The following ABCA10 variants were observed in gnomAD, a reference collection of about 807,000 sequenced individuals.
The protein encoded by ABCA10 is ATP-binding cassette sub-family A member 10.
Under a neutral mutation model 187.5 loss-of-function variants are expected in ABCA10, and 169 were observed. The observed-to-expected ratio is 0.90, with a 90% CI of 0.80 to 1.02. The LOEUF (loss-of-function observed/expected upper bound fraction) is 1.02, where lower values mean the gene tolerates loss of function less well. ABCA10 is among the 50% of genes least tolerant of loss of function. The pLI is 0.00. For synonymous variants in ABCA10, 574 were observed against 601.8 expected (o/e 0.95, Z 0.68); for missense variants, 1,727 against 1,812.4 (o/e 0.95, Z 0.86).
chr17:69,187,724 G>A lies in ABCA10; in HGVS notation c.2287C>T (p.Arg763Cys), dbSNP rs200565917. 24 of 1,613,614 alleles carry A rather than the reference G, an allele frequency of 1.5e-5. No individual in the cohort carries two copies. Among genetic ancestry groups the A allele is most frequent in the African/African-American group, 1.1e-4 (8 of 74,852 alleles). ...CTTTCACGCCTTAACTTTAAGAAGC[G>A]AAGTGTTGCCACTGCATAGATTTGT... is the stretch of plus-strand genomic sequence containing the variant. ...RRQIYAVATL[R>C]FLKLRRERRA... The change falls in exon 19 of 39, where the codon CGC (arginine) becomes TGC (cysteine). Residue 763 changes from arginine to cysteine, a missense_variant. Arg to Cys is a radical substitution (Grantham distance 180). Transcript: ENST00000690296.
At chr17:69,151,750 A>G (rs1321982026) in intron 36 of ABCA10, among the ~76,000 whole-genome samples, 1 of 152,234 alleles carries the variant, frequency 6.6e-6, no homozygotes. Flanking sequence ...AATCATTAAA[A>G]AGTTGATAGT....
chr17:69,216,087 A>T, intron 7 of ABCA10, 87 bp from the exon 8 acceptor site: 2 of 1,554,814 alleles, frequency 1.3e-6, no homozygotes, highest in Non-Finnish European at 1.7e-6. Context: ...ATTGTCAAAA[A>T]TTTTCTCAAA....
chr17:69,174,858 A>T, intron 23 of ABCA10, 81 bp from the exon 24 acceptor site: 1 of 1,268,086 alleles, frequency 7.9e-7, no homozygotes, highest in Non-Finnish European at 1.1e-6. Context: ...TTGTTTAATA[A>T]ATTTTAGAAA....
intron 10 of ABCA10, among the ~76,000 whole-genome samples, chr17:69,199,908 T>C (rs2074531855): frequency 6.6e-6 from 1 of 152,230 alleles, no homozygotes; most frequent in African/African-American, 2.4e-5. Context: ...AAACTATAGC[T>C]ACAGAATAGC....
intron 30 of ABCA10, among the ~76,000 whole-genome samples, chr17:69,154,592 T>C (rs2074159479): frequency 2.0e-5 from 3 of 152,052 alleles, no homozygotes; most frequent in South Asian, 4.1e-4. Flanking sequence ...ACCCAGCTAA[T>C]TTTTAAATTT....
At position 69,191,281 on chromosome 17, in the gene ABCA10, T is replaced by A. The variant is rs751969405; in HGVS notation, c.1906A>T (p.Ile636Phe). 5.0e-6 allele frequency: 8 copies of A among 1,601,420 alleles called. No individual in the cohort carries two copies. In the South Asian group the frequency reaches 9.0e-5, roughly 18 times the overall value. ...HRNEMCDTEK[I>F]TSLIKQHIPD... ...ATGTGCTGCTTAATAAGGGATGTGA[T>A]TTTTTCTGTGTCACACATTTCATTC... The change falls in exon 17 of 39, where the codon ATC (isoleucine) becomes TTC (phenylalanine). Residue 636 changes from isoleucine (I) to phenylalanine (F), a missense_variant. By Grantham distance (21) the Ile-to-Phe change is conservative. Coordinates refer to ENST00000690296, the MANE Select transcript of ABCA10 (RefSeq NM_001377321.1).
chr17:69,164,215 T>G, intron 26 of ABCA10, 61 bp from the exon 27 acceptor site: 2 of 1,337,678 alleles, frequency 1.5e-6, no homozygotes, highest in Non-Finnish European at 2.1e-6. Context: ...AATTTACACA[T>G]TAAATACACC....
intron 9 of ABCA10, among the ~76,000 whole-genome samples, chr17:69,210,180 T>C (rs1463248855): frequency 3.2e-5 from 3 of 93,342 alleles, no homozygotes; most frequent in Non-Finnish European, 5.9e-5. Context: ...CTTTTTTTTT[T>C]TTTTTTTTTT....
At chr17:69,149,200 C>A (rs944728069) in intron 37 of ABCA10, 112 bp from the exon 38 acceptor site, 32 of 1,115,886 alleles carry the variant, frequency 2.9e-5, no homozygotes, top group African/African-American at 1.1e-4. Flanking sequence ...AAGATATAGG[C>A]CAAATAATTA....
At chr17:69,184,871 G>GTGTA (rs375695391) in intron 20 of ABCA10, among the ~76,000 whole-genome samples, 102 of 148,142 alleles carry the variant, frequency 6.9e-4, no homozygotes, top group East Asian at 3.8e-3. Context: ...GTGTGTGTGT[G>GTGTA]TATATATATA....
At chr17:69,234,074 G>T (rs940504899) in intron 1 of ABCA10, 11 of 152,922 alleles carry the variant, frequency 7.2e-5, no homozygotes, top group African/African-American at 2.7e-4. Context: ...CAGCTGGCAA[G>T]CCTATCTTAT....
At chr17:69,212,966 G>A (rs753008227) in intron 9 of ABCA10, among the ~76,000 whole-genome samples, 6 of 152,228 alleles carry the variant, frequency 3.9e-5, no homozygotes, top group Non-Finnish European at 7.3e-5. Flanking sequence ...GTATTGAGAT[G>A]TGAGGTACTA....
chr17:69,239,196 G>C (rs993126409), intron 1 of ABCA10, among the ~76,000 whole-genome samples: 1 of 152,090 alleles, frequency 6.6e-6, no homozygotes, highest in Non-Finnish European at 1.5e-5. Flanking sequence ...AAGTACAAAG[G>C]GTTGGTCAGT....
At chr17:69,184,823 A>T (rs1346070089) in intron 20 of ABCA10, among the ~76,000 whole-genome samples, 1 of 150,328 alleles carries the variant, frequency 6.7e-6, no homozygotes, top group Admixed American at 6.7e-5. Flanking sequence ...CAACAAGTGG[A>T]TTAAAAAAGT....
chr17:69,241,215 A>T (rs2074901608), intron 1 of ABCA10, among the ~76,000 whole-genome samples: 1 of 152,172 alleles, frequency 6.6e-6, no homozygotes, highest in South Asian at 2.1e-4. Flanking sequence ...ACAAAAAACA[A>T]AAAGCCCTTG....
Position 69,193,152 on chromosome 17 carries a change from G to T in ABCA10, c.1738C>A (p.Leu580Ile). Reference protein sequence around the residue: ...LKEHKVDRLILFSTQFMDEAD... With the variant: ...LKEHKVDRLIIFSTQFMDEAD... ...TCATCCATGAATTGGGTACTGAAGA[G>T]GATAAGTCGGTCTACTTTATGCTCC... Residue 580 changes from leucine (L) to isoleucine (I), a missense_variant, in exon 15 of 39, where the codon CTC (leucine) becomes ATC (isoleucine). Physicochemically the swap from Leu to Ile is conservative, Grantham distance 5 (BLOSUM62 2). Coordinates refer to ENST00000690296, the MANE Select transcript of ABCA10 (RefSeq NM_001377321.1). 1.2e-6 allele frequency: 2 copies of T among 1,614,038 alleles called. No individual in the cohort carries two copies. The highest frequency in any genetic ancestry group is 1.7e-6 in the Non-Finnish European group (2 of 1,179,984).
intron 11 of ABCA10, among the ~76,000 whole-genome samples, chr17:69,195,542 A>G (rs1463493114): frequency 2.3e-5 from 3 of 130,726 alleles, no homozygotes; most frequent in Non-Finnish European, 3.2e-5. Flanking sequence ...ATTATCAAAC[A>G]ATGAAGTTTT....
intron 17 of ABCA10, 137 bp from the exon 18 acceptor site, chr17:69,190,614 C>T (rs12602816): frequency 3.9e-6 from 3 of 763,166 alleles, no homozygotes; most frequent in Middle Eastern, 3.9e-4. Context: ...TCCAAGGAAA[C>T]CTTTTCTGTA....
At chr17:69,159,156 T>C (rs1443955240) in intron 27 of ABCA10, among the ~76,000 whole-genome samples, 3 of 152,038 alleles carry the variant, frequency 2.0e-5, no homozygotes, top group Non-Finnish European at 4.4e-5. Flanking sequence ...TTATCAAAGA[T>C]GTAGAAAAGC....
Sources: gnomAD v4.1 joint callset for allele counts (sites outside exome capture counted in the v4.1 genomes callset) on GRCh38, gnomAD v4.1.1 for gene constraint, MANE v1.5 for transcripts, NCBI Gene and HGNC (gene_info 2026-07-23, HGNC 2026-07-21) for gene names.